The following TAF5L variants were observed in gnomAD, a reference collection of about 807,000 sequenced individuals.
TAF5L encodes the protein TATA-box binding protein associated factor 5 like.
In TAF5L, 7 loss-of-function variants were observed where a neutral mutation model predicts 51.3. The observed-to-expected ratio is 0.14, with a 90% CI of 0.08 to 0.26. TAF5L has a LOEUF of 0.26. TAF5L is among the 10% of genes least tolerant of loss of function. The probability of loss-of-function intolerance (pLI) is 1.00; values close to 1 mark genes in which losing one functional copy is unlikely to be tolerated. For missense variants in TAF5L, 575 were observed against 758.9 expected (o/e 0.76, Z 2.85); for synonymous variants, 291 against 308.1 (o/e 0.94, Z 0.58).
intron 2 of TAF5L, among the ~76,000 whole-genome samples, chr1:229,613,904 C>T (rs1205394509): frequency 6.6e-6 from 1 of 152,134 alleles, no homozygotes; most frequent in East Asian, 1.9e-4. Context: ...TTTCCAACTA[C>T]AGATCCTGAA....
intron 3 of TAF5L, among the ~76,000 whole-genome samples, chr1:229,608,356 AAAATC>A (rs2102754317): frequency 6.6e-6 from 1 of 152,326 alleles, no homozygotes; most frequent in African/African-American, 2.4e-5. Context: ...ACAAAAACGA[AAAATC>A]ATGAAAATTA....
chr1:229,600,808 G>C, intron 4 of TAF5L: 2 of 985,274 alleles, frequency 2.0e-6, no homozygotes, highest in Non-Finnish European at 2.4e-6. Flanking sequence ...GTTTTATTTT[G>C]GTCTACTGTT....
rs746381419 is a variant in TAF5L, at chr1:229,610,215, AGAG to A, written c.143-8_143-6del. On this transcript the variant is annotated splice_polypyrimidine_tract_variant and splice_region_variant and intron_variant, in intron 2 of 4. Coordinates refer to ENST00000258281, the Ensembl canonical transcript of TAF5L. Reference sequence around the variant, plus strand: ...CACAACCAGATTCTGATTGCACTAAAGAGGAGAAGATACACAAGTCAGGGCGGG... The same window carrying A: ...CACAACCAGATTCTGATTGCACTAAAGAGAAGATACACAAGTCAGGGCGGG... 72 of 1,613,772 alleles carry A rather than the reference AGAG, an allele frequency of 4.5e-5. 1 individual carries two copies. The East Asian group carries it at 1.1e-3, about 25-fold the overall frequency.
intron 4 of TAF5L, among the ~76,000 whole-genome samples, chr1:229,597,267 C>T (rs765820340): frequency 6.6e-5 from 10 of 152,194 alleles, no homozygotes; most frequent in Non-Finnish European, 1.3e-4. Flanking sequence ...TCATTTGGAA[C>T]AAGAAGCTAT....
Position 229,602,597 on chromosome 1 carries a change from G to A in TAF5L, c.570C>T (p.Val190=). Residue 190 remains valine, a synonymous_variant, in exon 4 of 5, where the codon GTC becomes GTT. Transcript: ENST00000258281. The surrounding 1 kb of genome is among the most constrained non-coding windows in gnomAD (Gnocchi z 4.6). ...CGTCAAGATGAATATGTAAGGTGAG[G>A]ACTTTGCACAGGGCAGTATTGTTGT... is the stretch of plus-strand genomic sequence containing the variant. 3 of 1,614,212 alleles carry A rather than the reference G, an allele frequency of 1.9e-6. No homozygotes were observed. Among genetic ancestry groups the A allele is most frequent in the Non-Finnish European group, 2.5e-6 (3 of 1,180,042 alleles).
chr1:229,604,368 A>G (rs1257949123), intron 3 of TAF5L, among the ~76,000 whole-genome samples: 3 of 152,202 alleles, frequency 2.0e-5, no homozygotes, highest in Non-Finnish European at 4.4e-5. Context: ...GAATAAATGT[A>G]TCCCTACTCA....
At chr1:229,616,410 T>C (rs1665007577) in intron 1 of TAF5L, among the ~76,000 whole-genome samples, 2 of 151,434 alleles carry the variant, frequency 1.3e-5, no homozygotes, top group Non-Finnish European at 2.9e-5. Context: ...TTTGCTATGT[T>C]GTCCAGGGTG....
At chr1:229,604,157 CTTATG>C (rs1227850598) in intron 3 of TAF5L, among the ~76,000 whole-genome samples, 1 of 142,944 alleles carries the variant, frequency 7.0e-6, no homozygotes, top group Non-Finnish European at 1.5e-5. Flanking sequence ...TAAGTCAGCA[CTTATG>C]TTCTGGTAGC....
At chr1:229,619,046 T>A (rs980662995) in intron 1 of TAF5L, among the ~76,000 whole-genome samples, 6 of 152,304 alleles carry the variant, frequency 3.9e-5, no homozygotes, top group Middle Eastern at 3.4e-3. Context: ...CAAATTTATG[T>A]TTATAACAGA....
chr1:229,595,967 A>G (rs1664109721), intron 4 of TAF5L, among the ~76,000 whole-genome samples: 1 of 152,146 alleles, frequency 6.6e-6, no homozygotes, highest in Non-Finnish European at 1.5e-5. Context: ...GCCCAGCCTC[A>G]CTTCAAGATT....
chr1:229,625,597 C>T lies in TAF5L; in HGVS notation c.-4+288G>A, dbSNP rs1329287225. On this transcript the variant is annotated intron_variant, in intron 1 of 4. Coordinates refer to ENST00000258281, the Ensembl canonical transcript of TAF5L. The surrounding 1 kb of genome is among the most constrained non-coding windows in gnomAD (Gnocchi z 4.0). ...CCCGGCATCCAACCCGCAGGACCCA[C>T]CCCTGCGCAGGAACGCGACGCCAGT... Among the ~76,000 whole-genome samples, 1 of 151,918 alleles carries T rather than the reference C, an allele frequency of 6.6e-6. No individual in the cohort carries two copies. Among genetic ancestry groups the T allele is most frequent in the African/African-American group, 2.4e-5 (1 of 41,418 alleles).
intron 1 of TAF5L, among the ~76,000 whole-genome samples, chr1:229,619,118 G>C (rs1213751058): frequency 6.6e-6 from 1 of 152,044 alleles, no homozygotes; most frequent in Non-Finnish European, 1.5e-5. Context: ...CAAGTTATTA[G>C]TTCTCTTCAC....
At chr1:229,616,351 C>A (rs368879369) in intron 1 of TAF5L, among the ~76,000 whole-genome samples, 1 of 132,146 alleles carries the variant, frequency 7.6e-6, no homozygotes, top group Admixed American at 7.5e-5. Context: ...CCACCTTTTC[C>A]GGAAGTCTAT....
chr1:229,602,413 C>T lies in TAF5L; in HGVS notation c.754G>A (p.Gly252Arg). 1 of 1,614,106 alleles carries T rather than the reference C, an allele frequency of 6.2e-7. No homozygotes were observed. Among genetic ancestry groups the T allele is most frequent in the South Asian group, 1.1e-5 (1 of 91,080 alleles). ...CAGATGGTAGTGAGGGAGGGAGGCC[C>T]ATCCTTGACTCGCTTAATGCTCTCC... The change falls in exon 4 of 5, where the codon GGG becomes AGG. Residue 252 changes from glycine (G) to arginine (R), a missense_variant. Around this residue, in one of 3 missense-constraint regions of TAF5L, gnomAD observed 380 missense variants for 443.7 expected, o/e 0.86. Coordinates refer to ENST00000258281, the Ensembl canonical transcript of TAF5L. The surrounding 1 kb of genome is among the most constrained non-coding windows in gnomAD (Gnocchi z 4.6).
rs1664738862 is a variant in TAF5L at position 229,610,229 on chromosome 1, A to C, written c.143-19T>G. 2.5e-6 allele frequency: 4 copies of C among 1,611,220 alleles called. No individual in the cohort carries two copies. The highest frequency in any genetic ancestry group is 3.4e-6 in the Non-Finnish European group (4 of 1,177,404). On this transcript the variant is annotated intron_variant, in intron 2 of 4. Transcript: ENST00000258281. ...GATTGCACTAAAGAGGAGAAGATACACAAGTCAGGGCGGGAAACAGAGAGA... is the reference window on the plus strand; with the variant it reads ...GATTGCACTAAAGAGGAGAAGATACCCAAGTCAGGGCGGGAAACAGAGAGA...
chr1:229,602,840 T>C lies in TAF5L; in HGVS notation c.327A>G (p.Gln109=). ...TTTCCACTGTGCTCTTCGGACTGTT[T>C]TGGACCAGGTTGAGATGGAGGTAGA... Residue 109 remains glutamine (Q), a synonymous_variant, in exon 4 of 5, where the codon CAA becomes CAG. Transcript: ENST00000258281. This position sits in a 1 kb window ranked among gnomAD's most constrained non-coding sequence, Gnocchi z 4.6. 1 of 1,611,930 alleles carries C rather than the reference T, an allele frequency of 6.2e-7. No homozygotes were observed. Among genetic ancestry groups the C allele is most frequent in the Non-Finnish European group, 8.5e-7 (1 of 1,180,018 alleles).
At chr1:229,614,718 A>G (rs1664910870) in intron 1 of TAF5L, among the ~76,000 whole-genome samples, 1 of 152,202 alleles carries the variant, frequency 6.6e-6, no homozygotes, top group Non-Finnish European at 1.5e-5. Flanking sequence ...AAAATAGGAA[A>G]AGCATCGATA....
At chr1:229,596,417 T>C (rs1664128507) in intron 4 of TAF5L, among the ~76,000 whole-genome samples, 1 of 152,208 alleles carries the variant, frequency 6.6e-6, no homozygotes, top group African/African-American at 2.4e-5. Flanking sequence ...CCCTGCCTAG[T>C]GACCAGCCAC....
At chr1:229,598,825 A>G (rs560167373) in intron 4 of TAF5L, among the ~76,000 whole-genome samples, 1 of 151,414 alleles carries the variant, frequency 6.6e-6, no homozygotes, top group South Asian at 2.1e-4. Context: ...CAGCCTCCTG[A>G]GTTGCTGGGA....
Sources: gnomAD v4.1 joint callset for allele counts (sites outside exome capture counted in the v4.1 genomes callset) on GRCh38, gnomAD v4.1.1 for gene constraint, gnomAD v4.1.1 regional missense constraint, Gnocchi (gnomAD v3.1) non-coding constraint, MANE v1.5 for transcripts, NCBI Gene and HGNC (gene_info 2026-07-23, HGNC 2026-07-21) for gene names.